The following MME variants were observed in gnomAD, a reference collection of about 807,000 sequenced individuals.
MME encodes the protein membrane metalloendopeptidase.
A neutral mutation model predicts 113.2 loss-of-function variants in MME; 98 were observed. The observed-to-expected ratio is 0.87, with a 90% CI of 0.74 to 1.02. The LOEUF (loss-of-function observed/expected upper bound fraction) is 1.02. Ranked by LOEUF, MME falls within the 50% of genes least tolerant of loss-of-function variation. The probability of loss-of-function intolerance (pLI) is 0.00; values close to 1 mark genes in which losing one functional copy is unlikely to be tolerated. For synonymous variants in MME, 292 were observed against 300.6 expected (o/e 0.97, Z 0.30); for missense variants, 836 against 896.0 (o/e 0.93, Z 0.86).
intron 20 of MME, among the ~76,000 whole-genome samples, chr3:155,170,024 T>C (rs1202191999): frequency 6.6e-6 from 1 of 152,154 alleles, no homozygotes; most frequent in Non-Finnish European, 1.5e-5. Flanking sequence ...GTAATTTTTT[T>C]GTTCGATGCC....
chr3:155,044,289 C>T (rs1713468216), intron 1 of MME, among the ~76,000 whole-genome samples: 1 of 150,862 alleles, frequency 6.6e-6, no homozygotes, highest in South Asian at 2.1e-4. Flanking sequence ...CACGCCAGGA[C>T]ACCTGGCTAA....
rs558894700 is a variant in MME, at chr3:155,040,703, A to T, written c.-11+16379A>T. On this transcript the variant is annotated intron_variant, in intron 1 of 22. Coordinates refer to the MME transcript ENST00000492661. ...GGATTTGTTTATACTATTTTCGAAA[A>T]TTTTTCATAAGTTCAAAATAATATC... Among the ~76,000 whole-genome samples, 164 of 152,022 alleles carry T rather than the reference A, an allele frequency of 1.1e-3. 4 individuals carry two copies. Among genetic ancestry groups the T allele is most frequent in the African/African-American group, 3.1e-3 (130 of 41,482 alleles).
chr3:155,079,294 C>G (rs1424762251), upstream of MME, among the ~76,000 whole-genome samples: 3 of 151,778 alleles, frequency 2.0e-5, no homozygotes, highest in East Asian at 5.8e-4. Flanking sequence ...GGAAAGAGAG[C>G]GAAAGAAGAG....
At chr3:155,178,412 G>A (rs1354847428) in intron 22 of MME, among the ~76,000 whole-genome samples, 1 of 152,104 alleles carries the variant, frequency 6.6e-6, no homozygotes, top group African/African-American at 2.4e-5. Context: ...GAAAGAAAAT[G>A]CTTTCTTTCT....
chr3:155,060,055 C>T (rs531708563), intron 1 of MME, among the ~76,000 whole-genome samples: 2 of 152,290 alleles, frequency 1.3e-5, no homozygotes, highest in South Asian at 4.1e-4. Flanking sequence ...ACCACAAATA[C>T]TTTACTTGCC....
chr3:155,069,240 G>C (rs1714476250), intron 1 of MME, among the ~76,000 whole-genome samples: 1 of 152,154 alleles, frequency 6.6e-6, no homozygotes, highest in South Asian at 2.1e-4. Flanking sequence ...GAGAAGAAAT[G>C]ATGCTTTATT....
intron 1 of MME, among the ~76,000 whole-genome samples, chr3:155,063,543 TA>T (rs1223490689): frequency 6.7e-5 from 8 of 119,236 alleles, no homozygotes; most frequent in Non-Finnish European, 1.1e-4. Context: ...TATATTTAAA[TA>T]ATATATTTAT....
chr3:155,161,758 T>C (rs1226065473), intron 17 of MME, among the ~76,000 whole-genome samples: 1 of 152,148 alleles, frequency 6.6e-6, no homozygotes, highest in Non-Finnish European at 1.5e-5. Flanking sequence ...ATAAGTAAGA[T>C]ATGTTTACTT....
chr3:155,175,112 A>G lies in MME; in HGVS notation c.2153+2500A>G, dbSNP rs550091180. ...CTTCCTGCCTTAAAACAATATCCTG[A>G]AAAAAAAAGCCTAACCTTTTTTAAA... On this transcript the variant is annotated intron_variant, in intron 22 of 22. Transcript: ENST00000360490. Among the ~76,000 whole-genome samples, 3 of 150,886 alleles carry G rather than the reference A, an allele frequency of 2.0e-5. No individual in the cohort carries two copies. The East Asian group carries it at 5.8e-4, about 29-fold the overall frequency.
intron 1 of MME, among the ~76,000 whole-genome samples, chr3:155,026,999 C>T (rs937432601): frequency 1.3e-5 from 2 of 152,140 alleles, no homozygotes; most frequent in African/African-American, 4.8e-5. Context: ...TATTAAATTA[C>T]CCAATAGATC....
chr3:155,074,025 CT>C (rs1714666154), intron 1 of MME, among the ~76,000 whole-genome samples: 1 of 151,634 alleles, frequency 6.6e-6, no homozygotes, highest in African/African-American at 2.4e-5. Context: ...ATTGACTTCT[CT>C]TCATCTCTCC....
At chr3:155,114,963 A>G (rs368309815) in intron 3 of MME, 31 bp from the exon 4 acceptor site, 57 of 1,611,778 alleles carry the variant, frequency 3.5e-5, no homozygotes, top group Admixed American at 6.7e-5. Context: ...TAAACCCATC[A>G]TTTTATCTAG....
Position 155,063,610 on chromosome 3 carries a change from A to G in MME, c.-10-20548A>G, listed in dbSNP as rs1256256096. Among the ~76,000 whole-genome samples the G allele has an allele frequency of 7.4e-5, 8 of 108,760 alleles. 2 individuals carry two copies. In the South Asian group the frequency reaches 1.5e-3, roughly 20 times the overall value. 71.4% of individuals were successfully genotyped at this position (108,760 alleles called of 152,430 possible). On this transcript the variant is annotated intron_variant, in intron 1 of 22. Transcript: ENST00000492661. ...TATAATAAATATATTATATTTGATTATATAATATATAATATATTATATTTG... is the reference window on the plus strand; with the variant it reads ...TATAATAAATATATTATATTTGATTGTATAATATATAATATATTATATTTG...
chr3:155,083,203 A>G (rs1715318102), intron 1 of MME, among the ~76,000 whole-genome samples: 1 of 152,172 alleles, frequency 6.6e-6, no homozygotes, highest in African/African-American at 2.4e-5. Flanking sequence ...CAGTGACCAA[A>G]TGTGTTCTTT....
chr3:155,027,266 C>G (rs980633827), intron 1 of MME, among the ~76,000 whole-genome samples: 1 of 152,094 alleles, frequency 6.6e-6, no homozygotes, highest in African/African-American at 2.4e-5. Flanking sequence ...TCCTGTCTCT[C>G]TCTTCTCTTG....
chr3:155,124,451 G>A (rs1234171493), intron 8 of MME, among the ~76,000 whole-genome samples: 15 of 151,998 alleles, frequency 9.9e-5, no homozygotes, highest in South Asian at 4.1e-4. Context: ...GCTTTGTTCC[G>A]TTGCTGGTGA....
chr3:155,138,581 G>A (rs949575491), intron 9 of MME, among the ~76,000 whole-genome samples: 3 of 152,088 alleles, frequency 2.0e-5, no homozygotes, highest in African/African-American at 7.2e-5. Context: ...TTTTAGTTTT[G>A]ATATGTATAG....
chr3:155,056,240 C>T (rs931427257), intron 1 of MME, among the ~76,000 whole-genome samples: 5 of 151,836 alleles, frequency 3.3e-5, no homozygotes, highest in African/African-American at 1.2e-4. Context: ...AGGTTAGTTA[C>T]ATATGTATAC....
At chr3:155,126,235 A>G (rs1000377440) in intron 8 of MME, among the ~76,000 whole-genome samples, 3 of 152,160 alleles carry the variant, frequency 2.0e-5, no homozygotes, top group Admixed American at 2.0e-4. Flanking sequence ...TGATTGAGGA[A>G]TTTTGGTTCA....
Sources: gnomAD v4.1 joint callset for allele counts (sites outside exome capture counted in the v4.1 genomes callset) on GRCh38, gnomAD v4.1.1 for gene constraint, MANE v1.5 for transcripts, NCBI Gene and HGNC (gene_info 2026-07-23, HGNC 2026-07-21) for gene names.